BRAF: variants seen among roughly 807,000 people sequenced by gnomAD.
The protein encoded by BRAF is B-Raf proto-oncogene, serine/threonine kinase, also known as serine/threonine-protein kinase B-raf.
BRAF carries 16 observed loss-of-function variants against 104.6 expected under a neutral mutation model. The observed-to-expected ratio is 0.15, with a 90% CI of 0.10 to 0.23. The LOEUF (loss-of-function observed/expected upper bound fraction) is 0.23, where lower values mean the gene tolerates loss of function less well. BRAF is among the 10% of genes least tolerant of loss of function. The probability of loss-of-function intolerance (pLI) is 1.00; values close to 1 mark genes in which losing one functional copy is unlikely to be tolerated. For synonymous variants in BRAF, 310 were observed against 341.6 expected (o/e 0.91, Z 1.02); for missense variants, 541 against 937.3 (o/e 0.58, Z 5.52).
chr7:140,919,610 G>T (rs115128235), intron 1 of BRAF, among the ~76,000 whole-genome samples: 1,753 of 152,034 alleles, frequency 0.012, 38 homozygotes, highest in African/African-American at 0.04. Context: ...AGTGATTTAG[G>T]CTGGAAAAAT....
At chr7:140,884,954 G>A (rs1368834967) in intron 1 of BRAF, among the ~76,000 whole-genome samples, 1 of 151,518 alleles carries the variant, frequency 6.6e-6, no homozygotes, top group African/African-American at 2.4e-5. Context: ...AACAATGAGA[G>A]GGCAAAGTGT....
intron 2 of BRAF, among the ~76,000 whole-genome samples, chr7:140,839,306 A>C (rs1392636736): frequency 6.6e-6 from 1 of 152,192 alleles, no homozygotes; most frequent in Non-Finnish European, 1.5e-5. Flanking sequence ...CTCCATCTTT[A>C]CAAAAATTAA....
chr7:140,740,390 A>G (rs1796819198), intron 17 of BRAF: 1 of 156,454 alleles, frequency 6.4e-6, no homozygotes, highest in South Asian at 1.9e-4. Context: ...TGGCATCTGC[A>G]TCTTAAGCCC....
At chr7:140,767,305 A>G (rs909185573) in intron 14 of BRAF, among the ~76,000 whole-genome samples, 2 of 152,156 alleles carry the variant, frequency 1.3e-5, no homozygotes, top group African/African-American at 4.8e-5. Context: ...TGCCCAGCCA[A>G]AAGATGTTTT....
At chr7:140,754,607 C>T (rs912319249) in intron 14 of BRAF, among the ~76,000 whole-genome samples, 1 of 152,146 alleles carries the variant, frequency 6.6e-6, no homozygotes, top group Non-Finnish European at 1.5e-5. Flanking sequence ...TCCAAGTTAG[C>T]TTTCGTTCTA....
chr7:140,737,131 T>C (rs1253321059), intron 18 of BRAF, among the ~76,000 whole-genome samples: 2 of 152,190 alleles, frequency 1.3e-5, no homozygotes, highest in East Asian at 1.9e-4. Flanking sequence ...ATGTCATCAA[T>C]ACAAAACTAA....
intron 14 of BRAF, among the ~76,000 whole-genome samples, chr7:140,775,648 A>T (rs1349897766): frequency 6.6e-6 from 1 of 152,162 alleles, no homozygotes; most frequent in African/African-American, 2.4e-5. Context: ...CAAGATTTTA[A>T]TTCTTTAAAA....
intron 17 of BRAF, among the ~76,000 whole-genome samples, chr7:140,743,845 G>A (rs1009600717): frequency 1.3e-5 from 2 of 152,138 alleles, no homozygotes; most frequent in African/African-American, 2.4e-5. Context: ...GGGCTCCAAC[G>A]AATGGGTAAC....
chr7:140,799,000 C>T (rs58861259), intron 7 of BRAF: 9,941 of 174,426 alleles, frequency 0.057, 1,038 homozygotes, highest in African/African-American at 0.22. Flanking sequence ...TGTGTGCCAT[C>T]ATGCCCAGCT....
chr7:140,827,448 CAAT>C, intron 3 of BRAF, among the ~76,000 whole-genome samples: 1 of 152,258 alleles, frequency 6.6e-6, no homozygotes, highest in South Asian at 2.1e-4. Context: ...GAATCCCACA[CAAT>C]GATGAGAATA....
intron 1 of BRAF, among the ~76,000 whole-genome samples, chr7:140,858,325 T>C (rs1810029311): frequency 6.6e-6 from 1 of 152,210 alleles, no homozygotes; most frequent in Admixed American, 6.5e-5. Flanking sequence ...ATACTTAACT[T>C]CTGGTTTAGA....
chr7:140,752,086 A>G (rs1438275950), intron 16 of BRAF, among the ~76,000 whole-genome samples: 2 of 152,230 alleles, frequency 1.3e-5, no homozygotes, highest in Non-Finnish European at 2.9e-5. Flanking sequence ...TTAAACTAGT[A>G]ATTCATTTAA....
At chr7:140,762,324 A>G (rs1170460935) in intron 14 of BRAF, among the ~76,000 whole-genome samples, 1 of 152,196 alleles carries the variant, frequency 6.6e-6, no homozygotes, top group East Asian at 1.9e-4. Context: ...AGAAATAAAG[A>G]TGTTCTTTGA....
At chr7:140,875,123 A>C (rs1383228279) in intron 1 of BRAF, among the ~76,000 whole-genome samples, 1 of 152,230 alleles carries the variant, frequency 6.6e-6, no homozygotes. Flanking sequence ...TCTTTATAGC[A>C]ATTCAAGAAT....
At chr7:140,859,685 ATTTTTTTTT>A (rs60932962) in intron 1 of BRAF, among the ~76,000 whole-genome samples, 2 of 131,664 alleles carry the variant, frequency 1.5e-5, no homozygotes. Flanking sequence ...CTGATTGTAA[ATTTTTTTTT>A]TTTTTTTTTT....
rs1199383417 is a variant in BRAF, at chr7:140,787,300, CAAAAAAAAAAAA to C, written c.1177+236_1177+247del. ...TGGGCGACAGAGCGAGACTCCGTCT[CAAAAAAAAAAAA>C]AAAAAAAAAAAAGACTTCCTTTTAT... On this transcript the variant is annotated intron_variant, in intron 9 of 19. Transcript: ENST00000644969. 2.0e-4 allele frequency among the ~76,000 whole-genome samples: 11 copies of C among 55,088 alleles called. No homozygotes were observed. The South Asian group carries it at 9.8e-3, about 49-fold the overall frequency. 36.1% of individuals were successfully genotyped at this position (55,088 alleles called of 152,430 possible).
intron 6 of BRAF, chr7:140,801,180 A>G: frequency 4.2e-6 from 2 of 479,688 alleles, no homozygotes; most frequent in Non-Finnish European, 7.3e-6. Context: ...GTCTTGATTA[A>G]TTAAACGATA....
chr7:140,856,385 G>C (rs767799085), intron 1 of BRAF, among the ~76,000 whole-genome samples: 1 of 152,020 alleles, frequency 6.6e-6, no homozygotes, highest in African/African-American at 2.4e-5. Flanking sequence ...GAAAAATTCA[G>C]AACATTCCTG....
At chr7:140,849,334 G>A (rs1409231019) in intron 2 of BRAF, among the ~76,000 whole-genome samples, 1 of 151,838 alleles carries the variant, frequency 6.6e-6, no homozygotes, top group African/African-American at 2.4e-5. Flanking sequence ...CAAACCTCAA[G>A]GCATTATTAA....
Sources: allele counts gnomAD v4.1 joint callset (sites outside exome capture counted in the v4.1 genomes callset), GRCh38; gene constraint gnomAD v4.1.1; transcripts MANE v1.5; gene names NCBI Gene and HGNC (gene_info 2026-07-23, HGNC 2026-07-21).